The following THOC1 variants were observed in gnomAD, a reference collection of about 807,000 sequenced individuals.
THOC1 encodes the protein THO complex 1.
In THOC1, 29 loss-of-function variants were observed where a neutral mutation model predicts 97.3. That is an observed-to-expected ratio of 0.30 (90% CI 0.22 to 0.41). THOC1 has a LOEUF of 0.41. Ranked by LOEUF, THOC1 falls within the 10% of genes least tolerant of loss-of-function variation. The pLI is 1.00. For missense variants in THOC1, 529 were observed against 761.9 expected, an observed-to-expected ratio of 0.69 and a Z score of 3.60; for synonymous variants, 255 against 257.0, an observed-to-expected ratio of 0.99 and a Z score of 0.07.
At chr18:215,658 C>G (rs1054160661) in intron 19 of THOC1, 154 bp from the exon 20 acceptor site, 2 of 607,654 alleles carry the variant, frequency 3.3e-6, no homozygotes, top group South Asian at 3.9e-5. Context: ...AGGTAAGGAT[C>G]CTAAGTGGGA....
chr18:216,268 A>G, intron 19 of THOC1: 2 of 535,678 alleles, frequency 3.7e-6, no homozygotes, highest in South Asian at 5.1e-5. Context: ...TGAACTTTAA[A>G]TTACATGCTG....
chr18:245,390 T>G (rs1912055156), intron 11 of THOC1: 1 of 152,172 alleles, frequency 6.6e-6, no homozygotes, highest in African/African-American at 2.4e-5. Flanking sequence ...CTAGAAGAAG[T>G]CTTATGATGA....
intron 11 of THOC1, among the ~76,000 whole-genome samples, chr18:244,025 G>A (rs1912002118): frequency 6.6e-6 from 1 of 152,020 alleles, no homozygotes; most frequent in African/African-American, 2.4e-5. Flanking sequence ...TTCTTTGAGA[G>A]CAACAAGTTG....
At chr18:246,136 T>G in intron 11 of THOC1, 188 bp downstream of exon 11, 1 of 486,112 alleles carries the variant, frequency 2.1e-6, no homozygotes, top group Non-Finnish European at 3.6e-6. Context: ...CTTTCACCTT[T>G]GAAACCAAAT....
intron 9 of THOC1, among the ~76,000 whole-genome samples, chr18:249,939 T>C (rs598162): frequency 0.17 from 25,499 of 152,190 alleles, 2,416 homozygotes; most frequent in Non-Finnish European, 0.23. Flanking sequence ...TGGGGCTACC[T>C]CTAACAGAGA....
At chr18:217,436 C>A (rs1400687033) in intron 18 of THOC1, among the ~76,000 whole-genome samples, 2 of 152,204 alleles carry the variant, frequency 1.3e-5, no homozygotes, top group East Asian at 3.8e-4. Context: ...CTCCACAAAA[C>A]CCTCTTTGGA....
chr18:224,532 T>C (rs1911207756), intron 15 of THOC1, among the ~76,000 whole-genome samples: 1 of 147,674 alleles, frequency 6.8e-6, no homozygotes, highest in Non-Finnish European at 1.5e-5. Flanking sequence ...TGAGCCAAGA[T>C]CATGCCACTG....
chr18:252,730 G>GATAGTTAGTGACTAGACT, intron 8 of THOC1, 118 bp from the exon 9 acceptor site: 1 of 780,126 alleles, frequency 1.3e-6, no homozygotes, highest in Non-Finnish European at 2.1e-6. Flanking sequence ...GAGAAGTCTA[G>GATAGTTAGTGACTAGACT]TCACTAACTA....
intron 9 of THOC1, 70 bp downstream of exon 9, chr18:252,469 C>T (rs1912308566): frequency 1.7e-6 from 2 of 1,193,436 alleles, no homozygotes; most frequent in Admixed American, 1.8e-5. Flanking sequence ...TCTCCTCACT[C>T]CAGAGAGGAT....
At chr18:233,191 A>C (rs540261364) in intron 11 of THOC1, among the ~76,000 whole-genome samples, 2 of 152,294 alleles carry the variant, frequency 1.3e-5, no homozygotes, top group East Asian at 1.9e-4. Flanking sequence ...TCTCATTCAT[A>C]CTTTCAATTA....
rs652504 is a variant in THOC1 at position 264,012 on chromosome 18, G to A, written c.256+14C>T. The stretch of plus-strand genomic sequence containing the variant: ...AAGATTACTTTAAACAAAACAAAAC[G>A]GAACCATACTTACCTTCAGTTACTC... On this transcript the variant is annotated intron_variant, in intron 4 of 20. Transcript: ENST00000261600. 0.21 allele frequency: 335,329 copies of A among 1,591,288 alleles called. 37,207 individuals are homozygous for A. Among genetic ancestry groups the A allele is most frequent in the African/African-American group, 0.23 (16,967 of 74,330 alleles).
At chr18:231,707 C>G (rs2143194563) in intron 11 of THOC1, among the ~76,000 whole-genome samples, 1 of 152,306 alleles carries the variant, frequency 6.6e-6, no homozygotes, top group South Asian at 2.1e-4. Flanking sequence ...TAACCCTCCC[C>G]ACTCCTATTT....
At chr18:226,990 G>A in intron 11 of THOC1, 89 bp from the exon 12 acceptor site, 1 of 1,012,424 alleles carries the variant, frequency 9.9e-7, no homozygotes, top group Non-Finnish European at 1.5e-6. Flanking sequence ...TATAGAAATG[G>A]AAGATTCCAA....
In THOC1 at chr18:261,243, T is replaced by A. The variant is rs533459582; in HGVS notation, c.257-939A>T. ...CTTTTATATCCCTACTCATTCTTCC[T>A]TCTATTTTAAGGCAATGAGTACTTA... On this transcript the variant is annotated intron_variant, in intron 4 of 20. Coordinates refer to ENST00000261600, the MANE Select transcript of THOC1 (RefSeq NM_005131.3). 6.6e-5 allele frequency: 10 copies of A among 152,304 alleles called. No individual in the cohort carries two copies. The South Asian group carries it at 2.1e-3, about 32-fold the overall frequency. 9.4% of individuals were successfully genotyped at this position (152,304 alleles called of 1,614,324 possible). A position where few individuals can be genotyped will look rare whatever the true frequency, so the allele number is the denominator to read the frequency against.
intron 11 of THOC1, among the ~76,000 whole-genome samples, chr18:235,648 C>T (rs1419232633): frequency 6.6e-6 from 1 of 151,896 alleles, no homozygotes; most frequent in Non-Finnish European, 1.5e-5. Context: ...TTTTTTTAAG[C>T]TATCCTTTTT....
chr18:227,140 G>C (rs567064172), intron 11 of THOC1, among the ~76,000 whole-genome samples: 1 of 152,114 alleles, frequency 6.6e-6, no homozygotes, highest in African/African-American at 2.4e-5. Flanking sequence ...GGATAACAAT[G>C]ATCTATCTAT....
chr18:216,831 A>C (rs748034824), intron 18 of THOC1, among the ~76,000 whole-genome samples, 198 bp from the exon 19 acceptor site: 9 of 152,234 alleles, frequency 5.9e-5, no homozygotes, highest in Non-Finnish European at 1.2e-4. Context: ...ACATGTAACT[A>C]ATCACAGGAA....
At chr18:218,453 G>A (rs1016997027) in intron 18 of THOC1, among the ~76,000 whole-genome samples, 2 of 152,156 alleles carry the variant, frequency 1.3e-5, no homozygotes, top group African/African-American at 4.8e-5. Context: ...GGATGAGGAG[G>A]CTGAAATGGA....
At position 254,893 on chromosome 18, in the gene THOC1, G is replaced by C. The variant is rs1033845866; in HGVS notation, c.521-538C>G. Reference sequence around the variant, plus strand: ...TGCAGTGGCATGATCATGGCTCACTGCAAGTTCAGCTTCCCAAGCTCAGAT... The same window carrying C: ...TGCAGTGGCATGATCATGGCTCACTCCAAGTTCAGCTTCCCAAGCTCAGAT... On this transcript the variant is annotated intron_variant, in intron 7 of 20. Coordinates refer to ENST00000261600, the MANE Select transcript of THOC1 (RefSeq NM_005131.3). The surrounding 1 kb of genome is among the most constrained non-coding windows in gnomAD (Gnocchi z 4.1). Among the ~76,000 whole-genome samples the C allele has an allele frequency of 4.0e-5, 6 of 151,288 alleles. No individual in the cohort carries two copies. The highest frequency in any genetic ancestry group is 1.5e-4 in the African/African-American group (6 of 41,088).
Sources: gnomAD v4.1 joint callset for allele counts (sites outside exome capture counted in the v4.1 genomes callset) on GRCh38, gnomAD v4.1.1 for gene constraint, Gnocchi (gnomAD v3.1) non-coding constraint, MANE v1.5 for transcripts, NCBI Gene and HGNC (gene_info 2026-07-23, HGNC 2026-07-21) for gene names.